Variants in TANC1 observed in about 807,000 individuals in gnomAD.
The protein encoded by TANC1 is protein TANC1.
A neutral mutation model predicts 149.7 loss-of-function variants in TANC1; 77 were observed. The observed-to-expected ratio is 0.51, with a 90% CI of 0.43 to 0.62. The LOEUF is 0.62. TANC1 is among the 20% of genes least tolerant of loss of function. The pLI is 0.00. For missense variants in TANC1, 1,985 were observed against 2,321.8 expected (o/e 0.85, Z 2.98); for synonymous variants, 854 against 925.0 (o/e 0.92, Z 1.39).
intron 2 of TANC1, among the ~76,000 whole-genome samples, chr2:159,012,615 T>C (rs1407405433): frequency 1.3e-5 from 2 of 152,182 alleles, no homozygotes; most frequent in African/African-American, 2.4e-5. Flanking sequence ...AAAATTTCTG[T>C]GGGCAACTGA....
At chr2:159,116,848 C>G (rs1480671063) in intron 4 of TANC1, among the ~76,000 whole-genome samples, 2 of 152,212 alleles carry the variant, frequency 1.3e-5, no homozygotes, top group Non-Finnish European at 2.9e-5. Flanking sequence ...ACCCCACTTA[C>G]AGTGAGTTGA....
At chr2:158,977,766 T>G (rs1420905718) in intron 1 of TANC1, among the ~76,000 whole-genome samples, 1 of 152,158 alleles carries the variant, frequency 6.6e-6, no homozygotes, top group African/African-American at 2.4e-5. Context: ...GTCCCTGTTT[T>G]ATTCTTAGCT....
chr2:159,221,293 A>G (rs2059692919), intron 22 of TANC1, among the ~76,000 whole-genome samples: 1 of 152,170 alleles, frequency 6.6e-6, no homozygotes, highest in South Asian at 2.1e-4. Context: ...AGGCACGAGA[A>G]TCACTTGAAC....
At chr2:159,066,374 A>G (rs1030176103) in intron 3 of TANC1, among the ~76,000 whole-genome samples, 1 of 152,152 alleles carries the variant, frequency 6.6e-6, no homozygotes, top group Non-Finnish European at 1.5e-5. Context: ...TGATAAAGCC[A>G]CTGTACTCCA....
At position 159,165,557 on chromosome 2, in the gene TANC1, A is replaced by C. The variant is rs182296292; in HGVS notation, c.946+2011A>C. The stretch of plus-strand genomic sequence containing the variant: ...CTGAAGTTGAATCTCAGTTAAGAGG[A>C]AATGGCAAGATTTTTCAAGTACCAT... On this transcript the variant is annotated intron_variant, in intron 8 of 26. Coordinates refer to ENST00000263635, the MANE Select transcript of TANC1 (RefSeq NM_033394.3). Among the ~76,000 whole-genome samples, 9 of 152,320 alleles carry C rather than the reference A, an allele frequency of 5.9e-5. No individual in the cohort carries two copies. The East Asian group carries it at 1.5e-3, about 26-fold the overall frequency.
At chr2:159,196,574 C>T in intron 17 of TANC1, 34 bp from the exon 18 acceptor site, 5 of 1,558,450 alleles carry the variant, frequency 3.2e-6, no homozygotes, top group Non-Finnish European at 4.4e-6. Flanking sequence ...CAAAGTAATG[C>T]TCAGCTGTAA....
rs569152249 is a variant in TANC1 at position 158,969,012 on chromosome 2, C to A, written c.-126+230C>A. 1.9e-3 allele frequency among the ~76,000 whole-genome samples: 295 copies of A among 152,322 alleles called. 1 individual carries two copies. Among genetic ancestry groups the A allele is most frequent in the Non-Finnish European group, 2.8e-3 (191 of 68,032 alleles). On this transcript the variant is annotated intron_variant, in intron 1 of 26. Transcript: ENST00000263635. ...GCCCCGGGCCTTGGTCTCTCGGCGG[C>A]TTTGGGGAGTCCGCACCTTCCTTGC... is the stretch of plus-strand genomic sequence containing the variant.
chr2:159,148,609 GT>G (rs1459390072), intron 5 of TANC1: 3 of 152,220 alleles, frequency 2.0e-5, no homozygotes, highest in African/African-American at 7.2e-5. Flanking sequence ...TGAAATCCTG[GT>G]TTTGACTTTC....
chr2:159,224,066 G>T (rs753774553), intron 22 of TANC1, among the ~76,000 whole-genome samples, 166 bp from the exon 23 acceptor site: 1 of 152,202 alleles, frequency 6.6e-6, no homozygotes, highest in Non-Finnish European at 1.5e-5. Flanking sequence ...GCTGTGGATT[G>T]CAGCTCCTCT....
intron 22 of TANC1, among the ~76,000 whole-genome samples, chr2:159,223,171 C>T (rs1298060556): frequency 1.3e-5 from 2 of 152,234 alleles, no homozygotes; most frequent in African/African-American, 4.8e-5. Flanking sequence ...TCCCAAAGTG[C>T]TGGGATTACA....
At chr2:159,060,078 A>G (rs767920345) in intron 2 of TANC1, 19 of 965,728 alleles carry the variant, frequency 2.0e-5, no homozygotes, top group Non-Finnish European at 2.1e-5. Flanking sequence ...GAACAGTTCT[A>G]AAGGTGTTAT....
chr2:159,214,614 T>C (rs1339414362), intron 19 of TANC1, among the ~76,000 whole-genome samples: 1 of 152,248 alleles, frequency 6.6e-6, no homozygotes, highest in Non-Finnish European at 1.5e-5. Context: ...TGTGAAGGAC[T>C]GTTCTACCAC....
chr2:159,142,256 G>T (rs539124288), intron 5 of TANC1, among the ~76,000 whole-genome samples: 2 of 152,336 alleles, frequency 1.3e-5, no homozygotes, highest in Admixed American at 6.5e-5. Context: ...AGGGGTTTGT[G>T]ATGTCAAAAC....
chr2:159,148,031 C>T (rs2052339015), intron 5 of TANC1: 1 of 152,232 alleles, frequency 6.6e-6, no homozygotes, highest in Non-Finnish European at 1.5e-5. Context: ...GGCAACATCA[C>T]TGTGTTGTTT....
intron 1 of TANC1, among the ~76,000 whole-genome samples, chr2:158,977,770 C>T (rs866572752): frequency 6.6e-6 from 1 of 152,068 alleles, no homozygotes; most frequent in African/African-American, 2.4e-5. Flanking sequence ...CTGTTTTATT[C>T]TTAGCTTTCA....
chr2:159,224,501 A>C, intron 23 of TANC1, 137 bp downstream of exon 23: 3 of 974,454 alleles, frequency 3.1e-6, no homozygotes, highest in Non-Finnish European at 3.1e-6. Flanking sequence ...TCTCAGTCTC[A>C]CTTAATCACC....
intron 5 of TANC1, 193 bp from the exon 6 acceptor site, chr2:159,148,949 C>T: frequency 3.6e-6 from 2 of 550,216 alleles, no homozygotes; most frequent in Non-Finnish European, 6.2e-6. Flanking sequence ...TTTTGTTTTA[C>T]TGTTTCCTTA....
intron 4 of TANC1, among the ~76,000 whole-genome samples, chr2:159,127,318 T>A (rs568258432): frequency 6.6e-6 from 1 of 152,302 alleles, no homozygotes; most frequent in South Asian, 2.1e-4. Flanking sequence ...AAACAGATGC[T>A]CGTGAGGCTG....
At chr2:159,039,199 C>T (rs1321977301) in intron 2 of TANC1, among the ~76,000 whole-genome samples, 1 of 151,932 alleles carries the variant, frequency 6.6e-6, no homozygotes, top group Non-Finnish European at 1.5e-5. Context: ...TGGTGATATC[C>T]CCTTTATCAT....
Sources: allele counts gnomAD v4.1 joint callset (sites outside exome capture counted in the v4.1 genomes callset), GRCh38; gene constraint gnomAD v4.1.1; transcripts MANE v1.5; gene names NCBI Gene and HGNC (gene_info 2026-07-23, HGNC 2026-07-21).